The following UBR1 variants were observed in gnomAD, a reference collection of about 807,000 sequenced individuals.
UBR1 encodes the protein E3 ubiquitin-protein ligase UBR1.
Under a neutral mutation model 242.1 loss-of-function variants are expected in UBR1, and 102 were observed. The observed-to-expected ratio is 0.42, with a 90% CI of 0.36 to 0.50. UBR1 has a LOEUF of 0.50. Ranked by LOEUF, UBR1 falls within the 20% of genes least tolerant of loss-of-function variation. The probability of loss-of-function intolerance (pLI) is 0.01; values close to 1 mark genes in which losing one functional copy is unlikely to be tolerated. For missense variants in UBR1, 1,772 were observed against 2,101.8 expected, an observed-to-expected ratio of 0.84 and a Z score of 3.07; for synonymous variants, 675 against 684.8, an observed-to-expected ratio of 0.99 and a Z score of 0.22.
intron 1 of UBR1, among the ~76,000 whole-genome samples, chr15:43,090,021 T>C (rs1443000281): frequency 6.6e-6 from 1 of 152,202 alleles, no homozygotes; most frequent in Non-Finnish European, 1.5e-5. Flanking sequence ...TTTATATTAA[T>C]TTCCTGTCCT....
intron 1 of UBR1, among the ~76,000 whole-genome samples, chr15:43,102,122 C>T (rs1179651824): frequency 6.6e-6 from 1 of 152,124 alleles, no homozygotes; most frequent in Admixed American, 6.6e-5. Flanking sequence ...ACAACCGCTG[C>T]CATGAATGCT....
chr15:43,026,257 C>T (rs2033177096), intron 23 of UBR1: 2 of 272,432 alleles, frequency 7.3e-6, no homozygotes, highest in African/African-American at 2.3e-5. Context: ...AAACAAAAAA[C>T]AAAACAAAAC....
intron 44 of UBR1, among the ~76,000 whole-genome samples, chr15:42,954,154 G>A (rs1167550238): frequency 1.3e-5 from 2 of 151,956 alleles, no homozygotes; most frequent in African/African-American, 4.8e-5. Context: ...CAAAGTGCTG[G>A]GGTTACAGAC....
intron 1 of UBR1, among the ~76,000 whole-genome samples, chr15:43,104,096 T>G (rs1017940725): frequency 2.6e-5 from 4 of 152,180 alleles, no homozygotes; most frequent in Admixed American, 2.0e-4. Context: ...GTCACCAGAC[T>G]GTGAGTTCCT....
intron 12 of UBR1, among the ~76,000 whole-genome samples, chr15:43,053,647 C>T (rs893886917): frequency 2.0e-5 from 3 of 152,120 alleles, no homozygotes; most frequent in African/African-American, 7.2e-5. Context: ...GGCTGGAGTG[C>T]AGTGGCATGA....
intron 40 of UBR1, among the ~76,000 whole-genome samples, chr15:42,968,875 C>G (rs976007567): frequency 6.6e-6 from 1 of 152,100 alleles, no homozygotes; most frequent in Non-Finnish European, 1.5e-5. Flanking sequence ...GTATGATATT[C>G]CATGGTGTGT....
intron 32 of UBR1, among the ~76,000 whole-genome samples, chr15:42,999,971 T>A (rs1008956737): frequency 1.4e-4 from 21 of 152,214 alleles, no homozygotes; most frequent in African/African-American, 5.1e-4. Context: ...CTAAGAAGTT[T>A]TTTTTGTTTT....
At position 43,003,589 on chromosome 15, in the gene UBR1, G is replaced by A. The variant is rs187728728; in HGVS notation, c.3509+248C>T. Among the ~76,000 whole-genome samples the A allele has an allele frequency of 3.9e-5, 6 of 152,320 alleles. No homozygotes were observed. The East Asian group carries it at 1.2e-3, about 29-fold the overall frequency. Reference sequence around the variant, plus strand: ...CTTTTTTTACATGAATACTGATGAAGAGCAACTGATTAGTTTATGGAGAGC... The same window carrying A: ...CTTTTTTTACATGAATACTGATGAAAAGCAACTGATTAGTTTATGGAGAGC... On this transcript the variant is annotated intron_variant, in intron 31 of 46. Coordinates refer to ENST00000290650, the MANE Select transcript of UBR1 (RefSeq NM_174916.3).
intron 25 of UBR1, among the ~76,000 whole-genome samples, chr15:43,024,315 G>A (rs964012901): frequency 3.3e-5 from 5 of 152,150 alleles, no homozygotes; most frequent in African/African-American, 7.2e-5. Flanking sequence ...CTACCATGAC[G>A]TGGCATAATT....
chr15:42,945,461 G>C lies in UBR1; in HGVS notation c.5118C>G (p.Asn1706Lys). Residue 1706 changes from asparagine to lysine, a missense_variant, in exon 47 of 47, where the codon AAC becomes AAG. This residue lies in a region of UBR1 where 965 missense variants were observed against 1,079.7 expected (regional missense o/e 0.89). Transcript: ENST00000290650. ...GETDPGLKRG[N>K]PLHLSRERYR... The stretch of plus-strand genomic sequence containing the variant: ...ACCGCTCACGAGATAAATGAAGGGG[G>C]TTGCCCCTCCTTTAGGGAAAAAAGA... 1 of 1,613,980 alleles carries C rather than the reference G, an allele frequency of 6.2e-7. No individual in the cohort carries two copies. The highest frequency in any genetic ancestry group is 8.5e-7 in the Non-Finnish European group (1 of 1,180,004).
chr15:43,104,803 C>T (rs1214414222), intron 1 of UBR1, among the ~76,000 whole-genome samples: 7 of 152,040 alleles, frequency 4.6e-5, no homozygotes, highest in Non-Finnish European at 4.4e-5. Context: ...AGTTCGAGAT[C>T]AGCCTGGCCA....
intron 32 of UBR1, among the ~76,000 whole-genome samples, chr15:42,999,277 T>C (rs1324265914): frequency 6.6e-6 from 1 of 152,154 alleles, no homozygotes; most frequent in Non-Finnish European, 1.5e-5. Context: ...TTAGAATTTT[T>C]TTCTCCCAGA....
chr15:43,007,233 A>G lies in UBR1; in HGVS notation c.3261T>C (p.Gly1087=). ...YSRIALGPKR[G]PSVTEKEVLT... is the part of the protein sequence containing the mutation. ...GCACCTCCTTTTCAGTAACAGATGGACCCCGTTTAGGACCCAAAGCAATTC... is the reference window on the plus strand; with the variant it reads ...GCACCTCCTTTTCAGTAACAGATGGGCCCCGTTTAGGACCCAAAGCAATTC... The change falls in exon 30 of 47, where the codon GGT becomes GGC. Residue 1087 remains glycine, a synonymous_variant. Transcript: ENST00000290650. The G allele has an allele frequency of 1.9e-6, 3 of 1,614,022 alleles. No individual in the cohort carries two copies. The highest frequency in any genetic ancestry group is 2.5e-6 in the Non-Finnish European group (3 of 1,180,010).
chr15:43,009,322 A>G (rs986252756), intron 29 of UBR1, among the ~76,000 whole-genome samples: 2 of 152,204 alleles, frequency 1.3e-5, no homozygotes, highest in African/African-American at 4.8e-5. Flanking sequence ...GCAGGCTTGC[A>G]CAGAGCTGGC....
At chr15:43,015,596 C>T in intron 29 of UBR1, 92 bp downstream of exon 29, 2 of 1,387,292 alleles carry the variant, frequency 1.4e-6, no homozygotes, top group Non-Finnish European at 2.0e-6. Flanking sequence ...GTCCTATGAC[C>T]CTGCCAAATC....
chr15:42,974,699 C>T (rs2032260978), intron 39 of UBR1, among the ~76,000 whole-genome samples: 1 of 152,192 alleles, frequency 6.6e-6, no homozygotes, highest in African/African-American at 2.4e-5. Flanking sequence ...GCCTTGACTT[C>T]CTGGGCTACA....
Position 43,026,386 on chromosome 15 carries a change from G to A in UBR1, c.2535+175C>T. The A allele has an allele frequency of 6.9e-6, 4 of 581,988 alleles. 1 individual carries two copies. The South Asian group carries it at 8.2e-5, about 12-fold the overall frequency. 36.1% of individuals were successfully genotyped at this position (581,988 alleles called of 1,614,324 possible). A position where few individuals can be genotyped will look rare whatever the true frequency, so the allele number is the denominator to read the frequency against. ...ATATGTAGTATAATCAGGAAAATCT[G>A]AATATTGCCTGTATACTAGATAAGA... On this transcript the variant is annotated intron_variant, in intron 23 of 46. Transcript: ENST00000290650.
In UBR1 at chr15:43,008,456, G is replaced by A. The variant is rs988368458; in HGVS notation, c.3210-1172C>T. ...TGCCTTGGACCCCTCTGGTCTTTGG[G>A]TGCTGATAAGCATGGAAGGAAGGCC... On this transcript the variant is annotated intron_variant, in intron 29 of 46. Coordinates refer to ENST00000290650, the MANE Select transcript of UBR1 (RefSeq NM_174916.3). Among the ~76,000 whole-genome samples, 68 of 152,258 alleles carry A rather than the reference G, an allele frequency of 4.5e-4. 2 individuals are homozygous for A. Among genetic ancestry groups the A allele is most frequent in the Admixed American group, 6.5e-5 (1 of 15,290 alleles).
chr15:42,944,756 C>T lies in UBR1; in HGVS notation c.*573G>A, dbSNP rs2141244930. 6.0e-6 allele frequency: 1 copy of T among 166,402 alleles called. No individual in the cohort carries two copies. Among genetic ancestry groups the T allele is most frequent in the East Asian group, 1.8e-4 (1 of 5,712 alleles). The allele number at this position is 166,402 out of a possible 1,614,324, so 10.3% of individuals were successfully genotyped here. A position where few individuals can be genotyped will look rare whatever the true frequency, so the allele number is the denominator to read the frequency against. On this transcript the variant is annotated 3_prime_UTR_variant, in exon 47 of 47. Coordinates refer to ENST00000290650, the MANE Select transcript of UBR1 (RefSeq NM_174916.3). The stretch of plus-strand genomic sequence containing the variant: ...ATTGGCAGAAATCATCCTCTGTCCA[C>T]ATAGAGATTGAGTTTAATTTGTGGT...
Sources: gnomAD v4.1 joint callset for allele counts (sites outside exome capture counted in the v4.1 genomes callset) on GRCh38, gnomAD v4.1.1 for gene constraint, gnomAD v4.1.1 regional missense constraint, MANE v1.5 for transcripts, NCBI Gene and HGNC (gene_info 2026-07-23, HGNC 2026-07-21) for gene names.